Variants in MDM4 observed in about 807,000 individuals in gnomAD.
MDM4 encodes the protein MDM4 regulator of p53.
Under a neutral mutation model 60.2 loss-of-function variants are expected in MDM4, and 2 were observed. That is an observed-to-expected ratio of 0.03 (90% CI 0.01 to 0.10). The LOEUF is 0.10. Among genes scored for constraint, MDM4 ranks in the 10% least tolerant of loss-of-function variants. MDM4 has a pLI of 1.00. For synonymous variants in MDM4, 202 were observed against 198.1 expected, an observed-to-expected ratio of 1.02 and a Z score of -0.17; for missense variants, 447 against 577.5, an observed-to-expected ratio of 0.77 and a Z score of 2.32.
intron 6 of MDM4, 82 bp downstream of exon 6, chr1:204,537,579 T>G: frequency 5.3e-6 from 5 of 935,842 alleles, no homozygotes; most frequent in Non-Finnish European, 8.7e-6. Context: ...TCCCAAGACC[T>G]TTCCCTGAAT....
At chr1:204,538,497 G>C (rs549842474) in intron 7 of MDM4, among the ~76,000 whole-genome samples, 189 bp downstream of exon 7, 1 of 152,254 alleles carries the variant, frequency 6.6e-6, no homozygotes, top group African/African-American at 2.4e-5. Flanking sequence ...TTAGCAACCC[G>C]TGAGTACTAG....
Position 204,545,284 on chromosome 1 carries a change from T to C in MDM4, c.822+600T>C, listed in dbSNP as rs373793204. Among the ~76,000 whole-genome samples the C allele has an allele frequency of 2.8e-4, 43 of 152,330 alleles. 1 individual carries two copies. The highest frequency in any genetic ancestry group is 1.0e-3 in the African/African-American group (43 of 41,580). On this transcript the variant is annotated intron_variant, in intron 9 of 10. Coordinates refer to ENST00000367182, the MANE Select transcript of MDM4 (RefSeq NM_002393.5). Reference sequence around the variant, plus strand: ...AAATGGAAAGATAAGATTATTTCTTTGTAGCTATTTTAGTGTTAAAATAGT... The same window carrying C: ...AAATGGAAAGATAAGATTATTTCTTCGTAGCTATTTTAGTGTTAAAATAGT...
At position 204,553,192 on chromosome 1, in the gene MDM4, G is replaced by C. The variant is rs1377221999; in HGVS notation, c.*3510G>C. 1 of 185,874 alleles carries C rather than the reference G, an allele frequency of 5.4e-6. No homozygotes were observed. Among genetic ancestry groups the C allele is most frequent in the Non-Finnish European group, 1.1e-5 (1 of 87,852 alleles). 11.5% of individuals were successfully genotyped at this position (185,874 alleles called of 1,614,324 possible). A position where few individuals can be genotyped will look rare whatever the true frequency, so the allele number is the denominator to read the frequency against. ...CCAGCTTAAACTATTTTCTTGGTCT[G>C]TTTTTGATTTTCTTTTTTCCTTGCC... On this transcript the variant is annotated 3_prime_UTR_variant, in exon 11 of 11. Transcript: ENST00000367182.
rs757348383 is a variant in MDM4 at position 204,549,723 on chromosome 1, A to C, written c.*41A>C. 10 of 1,099,912 alleles carry C rather than the reference A, an allele frequency of 9.1e-6. No homozygotes were observed. The highest frequency in any genetic ancestry group is 1.6e-5 in the African/African-American group (1 of 63,200). The allele number at this position is 1,099,912 out of a possible 1,614,324, so 68.1% of individuals were successfully genotyped here. On this transcript the variant is annotated 3_prime_UTR_variant, in exon 11 of 11. Coordinates refer to ENST00000367182, the MANE Select transcript of MDM4 (RefSeq NM_002393.5). The stretch of plus-strand genomic sequence containing the variant: ...AAAAATGCATTTATTCCGTTCACTT[A>C]CCACATTATTTGAAAATCAATCCTT...
intron 10 of MDM4, 141 bp from the exon 11 acceptor site, chr1:204,548,972 G>A: frequency 1.6e-6 from 1 of 609,570 alleles, no homozygotes; most frequent in Admixed American, 3.3e-5. Context: ...TCATGTGGCT[G>A]TAGAATTTGC....
At chr1:204,524,937 T>C (rs778393218) in intron 1 of MDM4, among the ~76,000 whole-genome samples, 3 of 152,218 alleles carry the variant, frequency 2.0e-5, no homozygotes, top group Non-Finnish European at 2.9e-5. Context: ...TAACCCATTT[T>C]GTAGGTTTGT....
At chr1:204,529,696 G>T in intron 3 of MDM4, 1 of 549,774 alleles carries the variant, frequency 1.8e-6, no homozygotes, top group Non-Finnish European at 3.2e-6. Flanking sequence ...AGCTGGCTGT[G>T]GCAATTCTGA....
chr1:204,549,739 A>G lies in MDM4; in HGVS notation c.*57A>G. ...CGTTCACTTACCACATTATTTGAAA[A>G]TCAATCCTTTATTTAATTTTATTTC... On this transcript the variant is annotated 3_prime_UTR_variant, in exon 11 of 11. Transcript: ENST00000367182. 1 of 1,059,894 alleles carries G rather than the reference A, an allele frequency of 9.4e-7. No homozygotes were observed. 65.7% of individuals were successfully genotyped at this position (1,059,894 alleles called of 1,614,324 possible).
intron 10 of MDM4, 109 bp from the exon 11 acceptor site, chr1:204,549,004 T>C: frequency 2.8e-6 from 2 of 710,042 alleles, no homozygotes; most frequent in Non-Finnish European, 4.9e-6. Flanking sequence ...GCTAGATCAC[T>C]GGTGTGGAAT....
intron 8 of MDM4, among the ~76,000 whole-genome samples, chr1:204,544,171 G>A (rs1416599034): frequency 6.6e-6 from 1 of 152,152 alleles, no homozygotes; most frequent in Non-Finnish European, 1.5e-5. Context: ...CAGAACTAAT[G>A]GAATGTTTTG....
In MDM4 at chr1:204,549,052, TC is replaced by T. The variant is rs1005648155; in HGVS notation, c.904-59del. Reference sequence around the variant, plus strand: ...GGATGTGAATGAATTTGACCTCCTTTCCTTTTTCTCAGCATCATATTAACCC... The same window carrying T: ...GGATGTGAATGAATTTGACCTCCTTTCTTTTTCTCAGCATCATATTAACCC... On this transcript the variant is annotated intron_variant, in intron 10 of 10. Transcript: ENST00000367182. The T allele has an allele frequency of 2.9e-6, 3 of 1,037,946 alleles. No individual in the cohort carries two copies. The African/African-American group carries it at 4.8e-5, about 17-fold the overall frequency. The allele number at this position is 1,037,946 out of a possible 1,614,324, so 64.3% of individuals were successfully genotyped here.
Position 204,528,578 on chromosome 1 carries a change from C to G in MDM4, c.154-2106C>G, listed in dbSNP as rs1409163471. ...CTCCTGCGTCTGGTGCCAGGCTGTGCCACTCAACTGCTCATGGCCGTCGGG... is the reference window on the plus strand; with the variant it reads ...CTCCTGCGTCTGGTGCCAGGCTGTGGCACTCAACTGCTCATGGCCGTCGGG... On this transcript the variant is annotated intron_variant, in intron 3 of 10. Transcript: ENST00000367182. Among the ~76,000 whole-genome samples the G allele has an allele frequency of 6.6e-5, 10 of 152,306 alleles. No homozygotes were observed. The South Asian group carries it at 1.0e-3, about 16-fold the overall frequency.
intron 10 of MDM4, among the ~76,000 whole-genome samples, chr1:204,547,783 G>A (rs988837589): frequency 3.3e-5 from 5 of 152,346 alleles, no homozygotes; most frequent in Non-Finnish European, 4.4e-5. Context: ...GAATGCAATG[G>A]CATAATCTCG....
chr1:204,534,186 G>A (rs1661155765), intron 5 of MDM4, among the ~76,000 whole-genome samples: 1 of 152,204 alleles, frequency 6.6e-6, no homozygotes, highest in African/African-American at 2.4e-5. Flanking sequence ...TTTGAAGCCT[G>A]TTAGTCTCAT....
intron 3 of MDM4, among the ~76,000 whole-genome samples, chr1:204,527,427 G>C (rs1660316162): frequency 1.3e-5 from 2 of 152,148 alleles, no homozygotes; most frequent in African/African-American, 4.8e-5. Context: ...GCTGAGGTGG[G>C]CAGATCACCT....
chr1:204,553,568 G>A lies in MDM4; in HGVS notation c.*3886G>A. On this transcript the variant is annotated 3_prime_UTR_variant, in exon 11 of 11. Coordinates refer to ENST00000367182, the MANE Select transcript of MDM4 (RefSeq NM_002393.5). ...GAGCTTGTTTCTGCTGCAACGTGCTGTAGACTATGAATAATGAAATCACAC... is the reference window on the plus strand; with the variant it reads ...GAGCTTGTTTCTGCTGCAACGTGCTATAGACTATGAATAATGAAATCACAC... 1 of 228,202 alleles carries A rather than the reference G, an allele frequency of 4.4e-6. No homozygotes were observed. Among genetic ancestry groups the A allele is most frequent in the Admixed American group, 5.7e-5 (1 of 17,640 alleles). 14.1% of individuals were successfully genotyped at this position (228,202 alleles called of 1,614,324 possible).
At position 204,552,872 on chromosome 1, in the gene MDM4, C is replaced by CTTTTTTTTTTTTT. The variant is rs71147703; in HGVS notation, c.*3194_*3206dup. 5.2e-5 allele frequency: 7 copies of CTTTTTTTTTTTTT among 133,538 alleles called. No individual in the cohort carries two copies. The highest frequency in any genetic ancestry group is 2.4e-4 in the South Asian group (1 of 4,088). 8.3% of individuals were successfully genotyped at this position (133,538 alleles called of 1,614,324 possible). A position where few individuals can be genotyped will look rare whatever the true frequency, so the allele number is the denominator to read the frequency against. ...AACTTTAAACTATTTCTTTTCTTTT[C>CTTTTTTTTTTTTT]TTTTTTTTTTTTTTTTACTTGAGAT... On this transcript the variant is annotated 3_prime_UTR_variant, in exon 11 of 11. Coordinates refer to ENST00000367182, the MANE Select transcript of MDM4 (RefSeq NM_002393.5).
chr1:204,526,567 C>T, intron 3 of MDM4, 133 bp downstream of exon 3: 1 of 619,446 alleles, frequency 1.6e-6, no homozygotes, highest in Non-Finnish European at 2.8e-6. Context: ...GGGTTCACGC[C>T]ATTCTCCTGC....
chr1:204,534,645 A>C (rs1403183714), intron 5 of MDM4, among the ~76,000 whole-genome samples: 3 of 151,678 alleles, frequency 2.0e-5, no homozygotes, highest in Non-Finnish European at 2.9e-5. Context: ...ATGCCACCAC[A>C]CCTGGCTAGT....
Sources: gnomAD v4.1 joint callset for allele counts (sites outside exome capture counted in the v4.1 genomes callset) on GRCh38, gnomAD v4.1.1 for gene constraint, MANE v1.5 for transcripts, NCBI Gene and HGNC (gene_info 2026-07-23, HGNC 2026-07-21) for gene names.